TRERF1: variants seen among roughly 807,000 people sequenced by gnomAD.
TRERF1 encodes transcriptional-regulating factor 1.
A neutral mutation model predicts 122.9 loss-of-function variants in TRERF1; 27 were observed. The observed-to-expected ratio is 0.22, with a 90% CI of 0.16 to 0.30. The LOEUF is 0.30. Ranked by LOEUF, TRERF1 falls within the 10% of genes least tolerant of loss-of-function variation. The probability of loss-of-function intolerance (pLI) is 1.00; values close to 1 mark genes in which losing one functional copy is unlikely to be tolerated. For synonymous variants in TRERF1, 636 were observed against 641.7 expected, an observed-to-expected ratio of 0.99 and a Z score of 0.13; for missense variants, 1,248 against 1,560.3, an observed-to-expected ratio of 0.80 and a Z score of 3.37.
chr6:42,237,128 A>T (rs1772427653), intron 15 of TRERF1, among the ~76,000 whole-genome samples: 1 of 152,252 alleles, frequency 6.6e-6, no homozygotes, highest in Non-Finnish European at 1.5e-5. Flanking sequence ...ATGAAAAAGA[A>T]CAAGAAAAAC....
chr6:42,324,611 C>G (rs1302737999), intron 3 of TRERF1, among the ~76,000 whole-genome samples: 1 of 152,088 alleles, frequency 6.6e-6, no homozygotes, highest in Non-Finnish European at 1.5e-5. Flanking sequence ...CACCTACAAC[C>G]AACTGATCTT....
chr6:42,337,257 C>T (rs260270), intron 3 of TRERF1, among the ~76,000 whole-genome samples: 5,651 of 152,244 alleles, frequency 0.037, 254 homozygotes, highest in East Asian at 0.22. Context: ...GTGTGCAGCC[C>T]GAGGGCCAGG....
At chr6:42,344,383 C>T (rs1196775986) in intron 3 of TRERF1, among the ~76,000 whole-genome samples, 1 of 152,064 alleles carries the variant, frequency 6.6e-6, no homozygotes, top group Non-Finnish European at 1.5e-5. Flanking sequence ...TTCAGCTGTA[C>T]AAAAATCCTA....
intron 15 of TRERF1, among the ~76,000 whole-genome samples, chr6:42,239,644 C>CTA (rs1426136908): frequency 2.0e-5 from 3 of 152,176 alleles, no homozygotes; most frequent in Non-Finnish European, 4.4e-5. Context: ...ATCAGGAGAG[C>CTA]TATCCCAGGT....
chr6:42,359,444 C>T (rs192909410), intron 3 of TRERF1, among the ~76,000 whole-genome samples: 125 of 152,248 alleles, frequency 8.2e-4, no homozygotes, highest in Non-Finnish European at 1.1e-3. Context: ...GGAAAAAAAT[C>T]GCTAGGTGCA....
At chr6:42,413,719 C>T (rs1375793210) in intron 2 of TRERF1, among the ~76,000 whole-genome samples, 4 of 152,102 alleles carry the variant, frequency 2.6e-5, no homozygotes, top group Non-Finnish European at 4.4e-5. Flanking sequence ...TGGGCCACCG[C>T]GGCAGCCCAG....
chr6:42,265,822 C>T (rs1779050602), intron 5 of TRERF1, 25 bp from the exon 6 acceptor site: 2 of 1,610,994 alleles, frequency 1.2e-6, no homozygotes, highest in Non-Finnish European at 1.7e-6. Flanking sequence ...AACAGGACAC[C>T]GAAAAAAAGA....
chr6:42,265,687 T>C (rs1779016594), intron 6 of TRERF1, 64 bp downstream of exon 6: 2 of 1,509,362 alleles, frequency 1.3e-6, no homozygotes, highest in Admixed American at 1.8e-5. Flanking sequence ...AAATGAATCA[T>C]GAGAGACACC....
intron 3 of TRERF1, among the ~76,000 whole-genome samples, chr6:42,331,320 G>A (rs1388100603): frequency 6.6e-6 from 1 of 152,214 alleles, no homozygotes; most frequent in East Asian, 1.9e-4. Flanking sequence ...GAAGTCCAGA[G>A]AGTGAGAGAA....
At chr6:42,436,814 A>AAAAATATATAT (rs61427173) in intron 2 of TRERF1, among the ~76,000 whole-genome samples, 3 of 66,694 alleles carry the variant, frequency 4.5e-5, no homozygotes, top group East Asian at 5.5e-4. Flanking sequence ...AAAAAAAAAA[A>AAAAATATATAT]ATATATATAT....
chr6:42,249,636 G>C (rs1775408229), intron 13 of TRERF1, among the ~76,000 whole-genome samples: 1 of 152,148 alleles, frequency 6.6e-6, no homozygotes, highest in South Asian at 2.1e-4. Context: ...AACTCATCCT[G>C]AGATGGAGTG....
At chr6:42,396,256 G>A (rs1778561692) in intron 2 of TRERF1, among the ~76,000 whole-genome samples, 1 of 152,166 alleles carries the variant, frequency 6.6e-6, no homozygotes, top group Non-Finnish European at 1.5e-5. Context: ...TCCAGCTTCA[G>A]GAGCTGAGAA....
At chr6:42,314,856 G>C (rs899969055) in intron 3 of TRERF1, among the ~76,000 whole-genome samples, 1 of 152,198 alleles carries the variant, frequency 6.6e-6, no homozygotes, top group Non-Finnish European at 1.5e-5. Context: ...AAAGCAGTAG[G>C]AACAAGGTCA....
At chr6:42,261,913 T>A (rs996000592) in intron 8 of TRERF1, among the ~76,000 whole-genome samples, 1 of 152,150 alleles carries the variant, frequency 6.6e-6, no homozygotes, top group African/African-American at 2.4e-5. Context: ...CCCAGGTGTA[T>A]TCTCATCCAG....
intron 2 of TRERF1, among the ~76,000 whole-genome samples, chr6:42,416,179 CTT>C (rs1781810645): frequency 6.6e-6 from 1 of 152,024 alleles, no homozygotes; most frequent in South Asian, 2.1e-4. Context: ...ACTGAATTCT[CTT>C]GTTTGTCTTT....
intron 3 of TRERF1, among the ~76,000 whole-genome samples, chr6:42,328,462 G>T (rs1461123258): frequency 6.6e-6 from 1 of 152,168 alleles, no homozygotes; most frequent in Non-Finnish European, 1.5e-5. Context: ...AGCCTAGGAG[G>T]CAATAGTTAT....
intron 16 of TRERF1, among the ~76,000 whole-genome samples, chr6:42,234,492 C>A (rs1467827535): frequency 6.6e-6 from 1 of 152,088 alleles, no homozygotes; most frequent in Non-Finnish European, 1.5e-5. Context: ...CGCGCACCAC[C>A]ACGCCCAGGT....
At chr6:42,318,436 C>G (rs544697908) in intron 3 of TRERF1, among the ~76,000 whole-genome samples, 186 of 152,318 alleles carry the variant, frequency 1.2e-3, no homozygotes, top group African/African-American at 4.1e-3. Context: ...GATCTCTACA[C>G]TTCACTTGGT....
chr6:42,290,827 T>C (rs1784207998), intron 4 of TRERF1, among the ~76,000 whole-genome samples: 1 of 140,964 alleles, frequency 7.1e-6, no homozygotes, highest in South Asian at 2.2e-4. Context: ...GGGAAATCAG[T>C]GCTGGGATGT....
Sources: allele counts gnomAD v4.1 joint callset (sites outside exome capture counted in the v4.1 genomes callset), GRCh38; gene constraint gnomAD v4.1.1; transcripts MANE v1.5; gene names NCBI Gene and HGNC (gene_info 2026-07-23, HGNC 2026-07-21).